The following KIAA0586 variants were observed in gnomAD, a reference collection of about 807,000 sequenced individuals.
KIAA0586 encodes the protein KIAA0586.
A neutral mutation model predicts 169.8 loss-of-function variants in KIAA0586; 144 were observed. The observed-to-expected ratio is 0.85, with a 90% confidence interval of 0.74 to 0.97. The LOEUF is 0.97. Ranked by LOEUF, KIAA0586 falls within the 50% of genes least tolerant of loss-of-function variation. The pLI is 0.00. For missense variants in KIAA0586, 1,854 were observed against 1,823.0 expected (o/e 1.02, Z -0.31); for synonymous variants, 625 against 612.4 (o/e 1.02, Z -0.30).
intron 26 of KIAA0586, among the ~76,000 whole-genome samples, chr14:58,493,937 G>A (rs779866055): frequency 1.3e-5 from 2 of 152,090 alleles, no homozygotes; most frequent in Non-Finnish European, 2.9e-5. Flanking sequence ...TACAAAAAGA[G>A]GTGGCAAATA....
chr14:58,506,772 C>T (rs1164068263), intron 27 of KIAA0586, among the ~76,000 whole-genome samples: 1 of 151,946 alleles, frequency 6.6e-6, no homozygotes, highest in African/African-American at 2.4e-5. Flanking sequence ...AAAGATCAAT[C>T]AGAGTGATTA....
chr14:58,514,626 G>GT (rs2044623609), intron 29 of KIAA0586, among the ~76,000 whole-genome samples: 1 of 151,948 alleles, frequency 6.6e-6, no homozygotes. Flanking sequence ...AAAGTACTTA[G>GT]TTTTTTTCCA....
At chr14:58,437,214 T>G (rs1280329394) in intron 4 of KIAA0586, among the ~76,000 whole-genome samples, 1 of 152,008 alleles carries the variant, frequency 6.6e-6, no homozygotes, top group Non-Finnish European at 1.5e-5. Flanking sequence ...GGAGATTGAA[T>G]TGACAGGAAT....
At chr14:58,529,140 C>T (rs940380577) in intron 29 of KIAA0586, among the ~76,000 whole-genome samples, 4 of 152,090 alleles carry the variant, frequency 2.6e-5, no homozygotes, top group African/African-American at 9.7e-5. Flanking sequence ...ATACACCCTC[C>T]CAAGACTAAA....
At chr14:58,444,770 G>C (rs577169487) in intron 6 of KIAA0586, among the ~76,000 whole-genome samples, 3 of 151,998 alleles carry the variant, frequency 2.0e-5, no homozygotes, top group Non-Finnish European at 2.9e-5. Flanking sequence ...GTTTACGTCA[G>C]CAGTTTTCAG....
At position 58,494,465 on chromosome 14, in the gene KIAA0586, C is replaced by G. The variant is rs539647501; in HGVS notation, c.3990+2190C>G. 1.2e-4 allele frequency among the ~76,000 whole-genome samples: 18 copies of G among 149,146 alleles called. 1 individual carries two copies. The highest frequency in any genetic ancestry group is 4.2e-4 in the African/African-American group (17 of 40,490). ...TTATTGACTCCTCAGGTATCTGGTT[C>G]TTTTGACCTGTGAGTTCTTATTTCA... On this transcript the variant is annotated intron_variant, in intron 26 of 30. Transcript: ENST00000652326.
At chr14:58,475,733 T>C (rs1466627376) in intron 19 of KIAA0586, among the ~76,000 whole-genome samples, 1 of 152,160 alleles carries the variant, frequency 6.6e-6, no homozygotes, top group Non-Finnish European at 1.5e-5. Flanking sequence ...TATAAAAAGA[T>C]ATTAATAATG....
intron 29 of KIAA0586, among the ~76,000 whole-genome samples, chr14:58,516,649 A>G (rs1336727539): frequency 6.6e-6 from 1 of 152,214 alleles, no homozygotes; most frequent in Non-Finnish European, 1.5e-5. Context: ...GACAAGCTGA[A>G]GCTAAAACTC....
rs2036952841 is a variant in KIAA0586, at chr14:58,427,779, G to A, written c.-486G>A. On this transcript the variant is annotated 5_prime_UTR_variant, in exon 1 of 31. It adds an upstream start codon to the 5' untranslated region. Coordinates refer to ENST00000652326, the MANE Select transcript of KIAA0586 (RefSeq NM_001329943.3). Reference sequence around the variant, plus strand: ...TCGGGCGTTCTGGAGATACGTAGGGGTGAATTTATGTTTCCGACGATTGCA... The same window carrying A: ...TCGGGCGTTCTGGAGATACGTAGGGATGAATTTATGTTTCCGACGATTGCA... The A allele has an allele frequency of 1.3e-6, 2 of 1,520,118 alleles. No individual in the cohort carries two copies. Among genetic ancestry groups the A allele is most frequent in the African/African-American group, 1.4e-5 (1 of 72,630 alleles). The allele number at this position is 1,520,118 out of a possible 1,614,324, so 94.2% of individuals were successfully genotyped here. A position where few individuals can be genotyped will look rare whatever the true frequency, so the allele number is the denominator to read the frequency against.
intron 4 of KIAA0586, among the ~76,000 whole-genome samples, chr14:58,436,510 A>T (rs1398245684): frequency 2.0e-5 from 3 of 152,198 alleles, no homozygotes; most frequent in Admixed American, 6.5e-5. Context: ...AATACAAGTT[A>T]TTACAAAATT....
chr14:58,545,030 G>A (rs1262939307), intron 30 of KIAA0586, among the ~76,000 whole-genome samples: 1 of 152,096 alleles, frequency 6.6e-6, no homozygotes, highest in East Asian at 1.9e-4. Context: ...TCCTCTACTA[G>A]GTGATGAACT....
At chr14:58,440,049 A>ATTTTT in intron 4 of KIAA0586, 6 of 163,946 alleles carry the variant, frequency 3.7e-5, no homozygotes, top group Non-Finnish European at 6.2e-5. Context: ...TTAATTTTTA[A>ATTTTT]TTTTTTTTTT....
chr14:58,560,526 T>C, the KIAA0586 span, among the ~76,000 whole-genome samples: 2 of 152,194 alleles, frequency 1.3e-5, no homozygotes, highest in East Asian at 1.9e-4. Flanking sequence ...GAAAATGTGT[T>C]AAATGCGAGG....
In KIAA0586 at chr14:58,477,211, G is replaced by A; in HGVS notation, c.2914G>A (p.Glu972Lys). Reference sequence around the variant, plus strand: ...ACCTAGTATCAGTGTTTCAGTCAGTGAGACAAGTGAACCACTGACTTCTGA... The same window carrying A: ...ACCTAGTATCAGTGTTTCAGTCAGTAAGACAAGTGAACCACTGACTTCTGA... ...IAPSISVSVS[E>K]TSEPLTSDIV... Residue 972 changes from glutamate to lysine, a missense_variant, in exon 20 of 31, where the codon GAG becomes AAG. By Grantham distance (56) the Glu-to-Lys change is moderately conservative (BLOSUM62 1). Coordinates refer to ENST00000652326, the MANE Select transcript of KIAA0586 (RefSeq NM_001329943.3). 6.4e-7 allele frequency: 1 copy of A among 1,570,508 alleles called. No homozygotes were observed. Among genetic ancestry groups the A allele is most frequent in the Non-Finnish European group, 8.7e-7 (1 of 1,153,464 alleles).
At chr14:58,453,980 G>A (rs1351112876) in intron 9 of KIAA0586, among the ~76,000 whole-genome samples, 1 of 152,106 alleles carries the variant, frequency 6.6e-6, no homozygotes, top group Non-Finnish European at 1.5e-5. Context: ...AACTAGAGGA[G>A]CCATATGTTG....
Position 58,458,557 on chromosome 14 carries a change from A to G in KIAA0586, c.1656+12A>G, listed in dbSNP as rs1422815610. On this transcript the variant is annotated intron_variant, in intron 12 of 30. Coordinates refer to ENST00000652326, the MANE Select transcript of KIAA0586 (RefSeq NM_001329943.3). Reference sequence around the variant, plus strand: ...CTGCAGAAATTCAGGTATGTCTTGGAAAAAAACTGAAAATTAAGTGAATTC... The same window carrying G: ...CTGCAGAAATTCAGGTATGTCTTGGGAAAAAACTGAAAATTAAGTGAATTC... 2.8e-6 allele frequency: 4 copies of G among 1,428,324 alleles called. No homozygotes were observed. The highest frequency in any genetic ancestry group is 3.8e-6 in the Non-Finnish European group (4 of 1,047,896). The allele number at this position is 1,428,324 out of a possible 1,614,324, so 88.5% of individuals were successfully genotyped here. A position where few individuals can be genotyped will look rare whatever the true frequency, so the allele number is the denominator to read the frequency against.
chr14:58,547,686 C>CCCCCCA, intron 30 of KIAA0586, 95 bp from the exon 31 acceptor site: 1 of 900,362 alleles, frequency 1.1e-6, no homozygotes, highest in South Asian at 1.6e-5. Context: ...GAATCCGCGC[C>CCCCCCA]CCCCCACCCC....
intron 29 of KIAA0586, chr14:58,521,308 A>G: frequency 8.9e-7 from 1 of 1,119,792 alleles, no homozygotes; most frequent in Non-Finnish European, 1.3e-6. Flanking sequence ...CTTGTGCTCC[A>G]GAAATCTGAT....
In KIAA0586 at chr14:58,487,119, C is replaced by T. The variant is rs772256006; in HGVS notation, c.3257C>T (p.Ser1086Leu). The T allele has an allele frequency of 3.5e-5, 56 of 1,613,444 alleles. No homozygotes were observed. The highest frequency in any genetic ancestry group is 1.6e-4 in the Middle Eastern group (1 of 6,082). ...ACTCCAGATTCTTCTCCCTGTGATT[C>T]GGATCATGATATGGCTTTTCCTGTG... ...VKTPDSSPCD[S>L]DHDMAFPVKE... Residue 1086 changes from serine (S) to leucine (L), a missense_variant, in exon 22 of 31, where the codon TCG (serine) becomes TTG (leucine). Ser to Leu is a moderately radical substitution (Grantham distance 145, BLOSUM62 -2). Coordinates refer to ENST00000652326, the MANE Select transcript of KIAA0586 (RefSeq NM_001329943.3).
Sources: allele counts gnomAD v4.1 joint callset (sites outside exome capture counted in the v4.1 genomes callset), GRCh38; gene constraint gnomAD v4.1.1; transcripts MANE v1.5; gene names NCBI Gene and HGNC (gene_info 2026-07-23, HGNC 2026-07-21).